CRPPA: variants seen among roughly 807,000 people sequenced by gnomAD.
CRPPA encodes the protein D-ribitol-5-phosphate cytidylyltransferase.
In CRPPA, 43 loss-of-function variants were observed where a neutral mutation model predicts 52.0. That is an observed-to-expected ratio of 0.83 (90% CI 0.65 to 1.07). The LOEUF is 1.07. CRPPA is among the 50% of genes least tolerant of loss of function. The probability of loss-of-function intolerance (pLI) is 0.00; values close to 1 mark genes in which losing one functional copy is unlikely to be tolerated. For synonymous variants in CRPPA, 250 were observed against 203.5 expected (o/e 1.23, Z -1.94); for missense variants, 629 against 551.7 (o/e 1.14, Z -1.40).
At chr7:16,377,441 T>A (rs1166956062) in intron 2 of CRPPA, among the ~76,000 whole-genome samples, 1 of 152,190 alleles carries the variant, frequency 6.6e-6, no homozygotes, top group Admixed American at 6.5e-5. Context: ...CTACGTATAT[T>A]TTTGGAATTC....
intron 8 of CRPPA, among the ~76,000 whole-genome samples, chr7:16,226,925 C>T (rs1439646237): frequency 6.6e-6 from 1 of 151,796 alleles, no homozygotes; most frequent in East Asian, 1.9e-4. Flanking sequence ...TGACATTTCC[C>T]TAACCCTCTA....
chr7:16,106,009 T>G lies in CRPPA; in HGVS notation c.1252-14210A>C, dbSNP rs150636642. Among the ~76,000 whole-genome samples, 3 of 152,086 alleles carry G rather than the reference T, an allele frequency of 2.0e-5. No individual in the cohort carries two copies. In the East Asian group the frequency reaches 5.8e-4, roughly 29 times the overall value. On this transcript the variant is annotated intron_variant, in intron 9 of 9. Coordinates refer to ENST00000407010, the MANE Select transcript of CRPPA (RefSeq NM_001101426.4). ...AAGCCAATAAGCCCTCCCAACAACT[T>G]TGCACAGGCAGGGAGACTTCCACAT... is the stretch of plus-strand genomic sequence containing the variant.
At chr7:16,335,828 A>G (rs1785666508) in intron 3 of CRPPA, among the ~76,000 whole-genome samples, 1 of 152,206 alleles carries the variant, frequency 6.6e-6, no homozygotes, top group African/African-American at 2.4e-5. Context: ...CATCTTAATC[A>G]AATTATCAAA....
intron 9 of CRPPA, among the ~76,000 whole-genome samples, chr7:16,139,698 G>C (rs1782830497): frequency 6.6e-6 from 1 of 151,906 alleles, no homozygotes; most frequent in Non-Finnish European, 1.5e-5. Flanking sequence ...CTTTTGCCTG[G>C]TATATAGTAA....
chr7:16,404,584 G>T (rs1241983027), intron 2 of CRPPA, among the ~76,000 whole-genome samples: 3 of 149,356 alleles, frequency 2.0e-5, no homozygotes, highest in African/African-American at 7.4e-5. Flanking sequence ...TTGTTATAGT[G>T]AGCTTAAGTG....
intron 9 of CRPPA, among the ~76,000 whole-genome samples, chr7:16,170,365 GGTGA>G (rs1490668801): frequency 1.3e-5 from 2 of 152,142 alleles, no homozygotes; most frequent in Admixed American, 6.5e-5. Flanking sequence ...AGACCCTCGC[GGTGA>G]GTGTTACAGT....
intron 2 of CRPPA, among the ~76,000 whole-genome samples, chr7:16,397,636 C>A (rs1399214247): frequency 1.3e-5 from 2 of 152,110 alleles, no homozygotes; most frequent in African/African-American, 4.8e-5. Flanking sequence ...ACGTGTGTGA[C>A]ACGTGACACA....
rs186444507 is a variant in CRPPA at position 16,150,715 on chromosome 7, A to G, written c.1252-58916T>C. Among the ~76,000 whole-genome samples, 141 of 152,344 alleles carry G rather than the reference A, an allele frequency of 9.3e-4. 1 individual carries two copies. Among genetic ancestry groups the G allele is most frequent in the African/African-American group, 3.2e-3 (132 of 41,576 alleles). On this transcript the variant is annotated intron_variant, in intron 9 of 9. Coordinates refer to ENST00000407010, the MANE Select transcript of CRPPA (RefSeq NM_001101426.4). ...CTTAGTCCATTTTGTGCTGCTTAACAGAATACCAGAGACTGGGTGATTTAT... is the reference window on the plus strand; with the variant it reads ...CTTAGTCCATTTTGTGCTGCTTAACGGAATACCAGAGACTGGGTGATTTAT...
chr7:16,216,822 G>A (rs1368046363), intron 8 of CRPPA, among the ~76,000 whole-genome samples: 1 of 152,196 alleles, frequency 6.6e-6, no homozygotes, highest in African/African-American at 2.4e-5. Flanking sequence ...TGCTAGCACA[G>A]CAGTCTGAGA....
At chr7:16,271,472 G>A (rs1313293276) in intron 6 of CRPPA, among the ~76,000 whole-genome samples, 24 of 152,096 alleles carry the variant, frequency 1.6e-4, no homozygotes, top group Admixed American at 1.6e-3. Flanking sequence ...AACAGTAGAA[G>A]TGGTAAACTC....
intron 9 of CRPPA, among the ~76,000 whole-genome samples, chr7:16,137,427 A>G (rs959352261): frequency 2.6e-5 from 4 of 152,230 alleles, no homozygotes; most frequent in African/African-American, 9.6e-5. Context: ...GAATAAATGG[A>G]TGAAGGAAAA....
chr7:16,214,806 G>C (rs1466422409), intron 9 of CRPPA, among the ~76,000 whole-genome samples: 1 of 152,136 alleles, frequency 6.6e-6, no homozygotes, highest in Non-Finnish European at 1.5e-5. Flanking sequence ...CCACCACAAA[G>C]AGAGAATATT....
intron 8 of CRPPA, among the ~76,000 whole-genome samples, chr7:16,230,000 T>G (rs987535621): frequency 6.6e-6 from 1 of 152,158 alleles, no homozygotes; most frequent in Non-Finnish European, 1.5e-5. Context: ...TGCCAAAAAG[T>G]CTGCTGCTAG....
rs192922592 is a variant in CRPPA, at chr7:16,120,844, C to T, written c.1252-29045G>A. Among the ~76,000 whole-genome samples the T allele has an allele frequency of 1.4e-4, 21 of 146,556 alleles. No individual in the cohort carries two copies. The East Asian group carries it at 4.1e-3, about 28-fold the overall frequency. On this transcript the variant is annotated intron_variant, in intron 9 of 9. Coordinates refer to ENST00000407010, the MANE Select transcript of CRPPA (RefSeq NM_001101426.4). Reference sequence around the variant, plus strand: ...AAGCAAAGCAACATGACTAATAATTCTGAAAAGATAAGGATTTAAAAAATA... The same window carrying T: ...AAGCAAAGCAACATGACTAATAATTTTGAAAAGATAAGGATTTAAAAAATA...
intron 9 of CRPPA, among the ~76,000 whole-genome samples, chr7:16,124,244 A>C (rs1454648092): frequency 1.3e-5 from 2 of 151,388 alleles, no homozygotes; most frequent in Admixed American, 6.6e-5. Context: ...TAGCCATTCT[A>C]ACTGGGATGA....
chr7:16,316,516 A>G (rs1785148288), intron 3 of CRPPA, among the ~76,000 whole-genome samples: 1 of 152,118 alleles, frequency 6.6e-6, no homozygotes, highest in Non-Finnish European at 1.5e-5. Flanking sequence ...CTGAACATAT[A>G]GATTTAATCA....
chr7:16,140,428 G>T (rs1782847709), intron 9 of CRPPA, among the ~76,000 whole-genome samples: 1 of 152,126 alleles, frequency 6.6e-6, no homozygotes, highest in African/African-American at 2.4e-5. Flanking sequence ...GCCTCCCAGA[G>T]TGCTAGGATT....
At chr7:16,359,377 C>T (rs891905254) in intron 3 of CRPPA, among the ~76,000 whole-genome samples, 2 of 152,186 alleles carry the variant, frequency 1.3e-5, no homozygotes, top group Non-Finnish European at 2.9e-5. Context: ...CAAGTACTGT[C>T]GTCATTGAAT....
intron 5 of CRPPA, 29 bp downstream of exon 5, chr7:16,301,392 G>A: frequency 6.3e-7 from 1 of 1,593,236 alleles, no homozygotes; most frequent in South Asian, 1.1e-5. Flanking sequence ...TTGAAACACA[G>A]GAACTGACAG....
Sources: gnomAD v4.1 joint callset for allele counts (sites outside exome capture counted in the v4.1 genomes callset) on GRCh38, gnomAD v4.1.1 for gene constraint, MANE v1.5 for transcripts, NCBI Gene and HGNC (gene_info 2026-07-23, HGNC 2026-07-21) for gene names.